The following OXR1 variants were observed in gnomAD, a reference collection of about 807,000 sequenced individuals.
OXR1 encodes oxidation resistance 1.
OXR1 carries 41 observed loss-of-function variants against 104.6 expected under a neutral mutation model. The observed-to-expected ratio is 0.39, with a 90% CI of 0.31 to 0.51. The LOEUF is 0.51. OXR1 is among the 20% of genes least tolerant of loss of function. OXR1 has a pLI of 0.77. For synonymous variants in OXR1, 348 were observed against 348.4 expected, an observed-to-expected ratio of 1.00 and a Z score of 0.01; for missense variants, 955 against 1,031.9, an observed-to-expected ratio of 0.93 and a Z score of 1.02.
intron 2 of OXR1, among the ~76,000 whole-genome samples, chr8:106,477,206 C>T (rs1364507950): frequency 6.6e-6 from 1 of 151,772 alleles, no homozygotes; most frequent in Admixed American, 6.6e-5. Flanking sequence ...GGTATTGTAC[C>T]AAACATGATG....
At chr8:106,561,283 G>A (rs2130491258) in intron 3 of OXR1, among the ~76,000 whole-genome samples, 1 of 152,204 alleles carries the variant, frequency 6.6e-6, no homozygotes, top group Middle Eastern at 3.4e-3. Flanking sequence ...GCTGGAGCTT[G>A]GTGGGGGGAG....
At chr8:106,329,350 C>CT (rs773206309) in intron 1 of OXR1, among the ~76,000 whole-genome samples, 12,600 of 137,672 alleles carry the variant, frequency 0.092, 652 homozygotes, top group African/African-American at 0.14. Context: ...CTCATTGACA[C>CT]TTTTTTTTTT....
intron 3 of OXR1, among the ~76,000 whole-genome samples, chr8:106,670,001 G>A (rs1192092188): frequency 1.3e-5 from 2 of 152,128 alleles, no homozygotes; most frequent in African/African-American, 2.4e-5. Context: ...ATCTGAATGA[G>A]GACAAAGGTC....
intron 1 of OXR1, among the ~76,000 whole-genome samples, chr8:106,329,408 T>C (rs1311016453): frequency 6.6e-6 from 1 of 150,590 alleles, no homozygotes; most frequent in African/African-American, 2.5e-5. Context: ...AGTGCAGTGG[T>C]GTGATCTCAG....
rs1563736433 is a variant in OXR1, at chr8:106,360,614, C to T, written c.23+978C>T. On this transcript the variant is annotated intron_variant, in intron 2 of 16. Coordinates refer to ENST00000517566, the MANE Select transcript of OXR1 (RefSeq NM_001198533.2). Reference sequence around the variant, plus strand: ...AGAAGATATCCTTGGATCTTTTGGCCTGGGTGCTAAGAATCTCAGTTTGAA... The same window carrying T: ...AGAAGATATCCTTGGATCTTTTGGCTTGGGTGCTAAGAATCTCAGTTTGAA... 4.6e-5 allele frequency among the ~76,000 whole-genome samples: 7 copies of T among 151,354 alleles called. No individual in the cohort carries two copies. In the South Asian group the frequency reaches 1.2e-3, roughly 27 times the overall value.
chr8:106,492,165 A>C (rs1811131533), intron 2 of OXR1, among the ~76,000 whole-genome samples: 1 of 152,184 alleles, frequency 6.6e-6, no homozygotes, highest in South Asian at 2.1e-4. Flanking sequence ...TGATACCCTG[A>C]GGTGCCTGGG....
rs140680004 is a variant in OXR1 at position 106,515,701 on chromosome 8, G to T, written c.24-3242G>T. On this transcript the variant is annotated intron_variant, in intron 2 of 16. Transcript: ENST00000517566. ...ATTATTAATCTTAATGCCTTCTTAG[G>T]TGCGTATAGTACTTCTGTAGCTTTT... Among the ~76,000 whole-genome samples the T allele has an allele frequency of 2.1e-4, 32 of 152,084 alleles. No individual in the cohort carries two copies. In the East Asian group the frequency reaches 6.2e-3, roughly 29 times the overall value.
In OXR1 at chr8:106,298,249, T is replaced by C. The variant is rs7830214; in HGVS notation, c.-139+27882T>C. Among the ~76,000 whole-genome samples, 519 of 152,282 alleles carry C rather than the reference T, an allele frequency of 3.4e-3. 4 individuals carry two copies. The highest frequency in any genetic ancestry group is 0.011 in the African/African-American group (462 of 41,550). On this transcript the variant is annotated intron_variant, in intron 1 of 16. Coordinates refer to ENST00000517566, the MANE Select transcript of OXR1 (RefSeq NM_001198533.2). ...AATTTATAAAGAAAAAGAGGTTTAA[T>C]GGACTCACAGATCCACATGGCTAGA...
rs138983826 is a variant in OXR1, at chr8:106,698,102, T to G, written c.676-4804T>G. 1.5e-3 allele frequency: 1,190 copies of G among 786,488 alleles called. 14 individuals carry two copies. The highest frequency in any genetic ancestry group is 0.014 in the African/African-American group (811 of 58,416). The allele number at this position is 786,488 out of a possible 1,614,324, so 48.7% of individuals were successfully genotyped here. On this transcript the variant is annotated intron_variant, in intron 7 of 16. Transcript: ENST00000517566. ...AGGCAATGGCTGCAGCTGCCGAGCT[T>G]CTTCTTACATGCTTATTTTCTACCC...
chr8:106,458,811 C>T (rs1201022577), intron 2 of OXR1, among the ~76,000 whole-genome samples: 1 of 152,116 alleles, frequency 6.6e-6, no homozygotes, highest in African/African-American at 2.4e-5. Flanking sequence ...TTACTTGGGA[C>T]TAGTTAGCCC....
intron 2 of OXR1, among the ~76,000 whole-genome samples, chr8:106,458,175 A>G (rs1449246744): frequency 6.6e-6 from 1 of 152,150 alleles, no homozygotes. Flanking sequence ...CCCCAAAGGC[A>G]TTTCAAAGAT....
intron 16 of OXR1, among the ~76,000 whole-genome samples, chr8:106,750,492 A>G (rs1835807985): frequency 6.6e-6 from 1 of 151,106 alleles, no homozygotes; most frequent in South Asian, 2.1e-4. Context: ...CGCCTGGCTA[A>G]TTTTTTTTGT....
intron 1 of OXR1, among the ~76,000 whole-genome samples, chr8:106,334,487 A>G (rs1814869929): frequency 6.6e-6 from 1 of 152,152 alleles, no homozygotes; most frequent in Non-Finnish European, 1.5e-5. Context: ...TAAAATGGCC[A>G]TCCTTTCTCG....
At chr8:106,678,677 A>G (rs1563696381) in intron 3 of OXR1, among the ~76,000 whole-genome samples, 1 of 152,050 alleles carries the variant, frequency 6.6e-6, no homozygotes, top group Non-Finnish European at 1.5e-5. Flanking sequence ...AAATGTTCAA[A>G]TGTATGTTTC....
intron 3 of OXR1, among the ~76,000 whole-genome samples, chr8:106,615,127 T>C (rs1015462496): frequency 6.6e-6 from 1 of 152,086 alleles, no homozygotes; most frequent in Non-Finnish European, 1.5e-5. Flanking sequence ...GAGACTAGCC[T>C]GGGCAACATG....
intron 3 of OXR1, among the ~76,000 whole-genome samples, chr8:106,615,185 T>G (rs1276954801): frequency 1.3e-5 from 2 of 151,906 alleles, no homozygotes; most frequent in Non-Finnish European, 2.9e-5. Flanking sequence ...ATCCCAACAC[T>G]TTGGGAGGCC....
chr8:106,627,272 G>C (rs1421350270), intron 3 of OXR1, among the ~76,000 whole-genome samples: 1 of 152,066 alleles, frequency 6.6e-6, no homozygotes, highest in Non-Finnish European at 1.5e-5. Context: ...GAGAAGAGTA[G>C]CCTTCGACAT....
At chr8:106,595,545 C>G (rs144685846) in intron 3 of OXR1, among the ~76,000 whole-genome samples, 3 of 126,610 alleles carry the variant, frequency 2.4e-5, no homozygotes, top group Non-Finnish European at 4.8e-5. Flanking sequence ...AGTGAAACTC[C>G]GTCTCAAAAA....
At chr8:106,315,538 C>T (rs1049786129) in intron 1 of OXR1, among the ~76,000 whole-genome samples, 5 of 152,132 alleles carry the variant, frequency 3.3e-5, no homozygotes, top group African/African-American at 1.2e-4. Context: ...GATACTAAGA[C>T]AATGTTTTTA....
Sources: gnomAD v4.1 joint callset for allele counts (sites outside exome capture counted in the v4.1 genomes callset) on GRCh38, gnomAD v4.1.1 for gene constraint, MANE v1.5 for transcripts, NCBI Gene and HGNC (gene_info 2026-07-23, HGNC 2026-07-21) for gene names.